RBM4: variants seen among roughly 807,000 people sequenced by gnomAD.
RBM4 encodes the protein RNA-binding protein 4.
In RBM4, 7 loss-of-function variants were observed where a neutral mutation model predicts 29.5. The observed-to-expected ratio is 0.24, with a 90% CI of 0.14 to 0.45. The LOEUF (loss-of-function observed/expected upper bound fraction) is 0.45. RBM4 is among the 20% of genes least tolerant of loss of function. The pLI, the probability that RBM4 is intolerant of heterozygous loss-of-function variation, is 1.00. For missense variants in RBM4, 387 were observed against 502.3 expected, an observed-to-expected ratio of 0.77 and a Z score of 2.19; for synonymous variants, 220 against 205.4, an observed-to-expected ratio of 1.07 and a Z score of -0.61.
intron 2 of RBM4, among the ~76,000 whole-genome samples, chr11:66,657,091 C>G (rs191760094): frequency 2.1e-3 from 310 of 149,152 alleles, no homozygotes; most frequent in African/African-American, 7.2e-3. Flanking sequence ...TCCTCAGCCC[C>G]TGATCAATTT....
At chr11:66,657,093 G>A (rs1181763317) in intron 2 of RBM4, among the ~76,000 whole-genome samples, 1 of 142,886 alleles carries the variant, frequency 7.0e-6, no homozygotes, top group Non-Finnish European at 1.5e-5. Context: ...CTCAGCCCCT[G>A]ATCAATTTTT....
chr11:66,660,352 T>TC (rs1491136300), intron 2 of RBM4, among the ~76,000 whole-genome samples: 3 of 133,010 alleles, frequency 2.3e-5, no homozygotes, highest in African/African-American at 5.7e-5. Flanking sequence ...GGAGTCTCTC[T>TC]TTTTTTTTTT....
At position 66,643,392 on chromosome 11, in the gene RBM4, A is replaced by G. The variant is rs1938551376; in HGVS notation, c.413-58A>G. ...CATTGCTATGACCAGTGTCTGGGGT[A>G]GGGGCTGGGGCTATGACTAAGAGTG... is the stretch of plus-strand genomic sequence containing the variant. On this transcript the variant is annotated intron_variant, in intron 2 of 3. Coordinates refer to ENST00000310092, the MANE Select transcript of RBM4 (RefSeq NM_002896.4). The surrounding 1 kb of genome is among the most constrained non-coding windows in gnomAD (Gnocchi z 6.1). 1 of 1,543,704 alleles carries G rather than the reference A, an allele frequency of 6.5e-7. No individual in the cohort carries two copies.
rs1007879042 is a variant in RBM4 at position 66,644,666 on chromosome 11, A to G, written c.*8+526A>G. 45 of 983,794 alleles carry G rather than the reference A, an allele frequency of 4.6e-5. No homozygotes were observed. The African/African-American group carries it at 6.6e-4, about 15-fold the overall frequency. 60.9% of individuals were successfully genotyped at this position (983,794 alleles called of 1,614,324 possible). On this transcript the variant is annotated intron_variant, in intron 3 of 3. Coordinates refer to ENST00000310092, the MANE Select transcript of RBM4 (RefSeq NM_002896.4). ...TTACTAAGAAGACTACCAAAATGGC[A>G]TCATCTTAATCTTGAAGCGTATTTC... is the stretch of plus-strand genomic sequence containing the variant.
At chr11:66,664,290 C>G (rs998440427) in intron 2 of RBM4, among the ~76,000 whole-genome samples, 1 of 148,728 alleles carries the variant, frequency 6.7e-6, no homozygotes. Context: ...GCTGGGACTA[C>G]AGGCACTCGC....
chr11:66,665,222 T>C (rs1036419091), intron 2 of RBM4: 3 of 279,860 alleles, frequency 1.1e-5, no homozygotes, highest in Admixed American at 4.9e-5. Flanking sequence ...TGCCACTACA[T>C]GGTCATTTTA....
Position 66,646,055 on chromosome 11 carries a change from G to T in RBM4, c.*37G>T. The T allele has an allele frequency of 6.5e-7, 1 of 1,536,146 alleles. No homozygotes were observed. The highest frequency in any genetic ancestry group is 8.7e-7 in the Non-Finnish European group (1 of 1,146,916). Reference sequence around the variant, plus strand: ...GGATGTGTGTGGGCTGAAATTCCGAGCTGCGGTTGTGCATGAGAATACACC... The same window carrying T: ...GGATGTGTGTGGGCTGAAATTCCGATCTGCGGTTGTGCATGAGAATACACC... On this transcript the variant is annotated 3_prime_UTR_variant, in exon 4 of 4. Transcript: ENST00000310092.
intron 2 of RBM4, 69 bp downstream of exon 2, chr11:66,640,192 A>G (rs1411864574): frequency 1.3e-6 from 2 of 1,596,306 alleles, no homozygotes; most frequent in East Asian, 4.5e-5. Flanking sequence ...GATAAGTAAA[A>G]GGAGAGGTTT....
At chr11:66,644,346 T>C (rs1196010301) in intron 3 of RBM4, 3 of 676,278 alleles carry the variant, frequency 4.4e-6, no homozygotes, top group East Asian at 3.0e-5. Flanking sequence ...TTTTCAGGGC[T>C]TCTGGTAGTG....
chr11:66,640,151 T>C (rs1232087269), intron 2 of RBM4, 28 bp downstream of exon 2: 2 of 1,613,624 alleles, frequency 1.2e-6, no homozygotes, highest in Admixed American at 3.3e-5. Flanking sequence ...GGTAGAGGGC[T>C]GAACACAAGG....
chr11:66,648,989 T>A (rs1308787711), downstream of RBM4, among the ~76,000 whole-genome samples: 1 of 151,034 alleles, frequency 6.6e-6, no homozygotes, highest in Non-Finnish European at 1.5e-5. Flanking sequence ...TTTCTCTTTT[T>A]TAAACCATTT....
At chr11:66,665,412 GA>G in intron 2 of RBM4, 5 of 652,504 alleles carry the variant, frequency 7.7e-6, no homozygotes, top group Non-Finnish European at 1.1e-5. Flanking sequence ...GTTTCAGGAG[GA>G]AAGAAAAGTC....
chr11:66,649,059 G>C (rs1018577296), downstream of RBM4, among the ~76,000 whole-genome samples: 3 of 151,866 alleles, frequency 2.0e-5, no homozygotes, highest in Admixed American at 1.3e-4. Context: ...CCAGACTGGA[G>C]TGCAGTGGCA....
rs368930527 is a variant in RBM4 at position 66,655,216 on chromosome 11, C to T, written c.413-10640C>T. Among the ~76,000 whole-genome samples the T allele has an allele frequency of 3.4e-4, 51 of 152,142 alleles. 1 individual carries two copies. The highest frequency in any genetic ancestry group is 1.2e-3 in the African/African-American group (48 of 41,516). ...GGCCCTGCTGGTTTCGAACTCCTGA[C>T]TTCAGGTGATCCACCCGCTTTGGCC... On this transcript the variant is annotated intron_variant, in intron 2 of 2. Coordinates refer to the RBM4 transcript ENST00000396053.
rs1352947662 is a variant in RBM4 at position 66,643,495 on chromosome 11, C to T, written c.458C>T (p.Ala153Val). The change falls in exon 3 of 4, where the codon GCG becomes GTG. Residue 153 changes from alanine (A) to valine (V), a missense_variant. Physicochemically the swap from Ala to Val is moderately conservative, Grantham distance 64 (BLOSUM62 0). Around this residue, in one of 2 missense-constraint regions of RBM4, gnomAD observed 106 missense variants for 213.6 expected, o/e 0.50. Coordinates refer to ENST00000310092, the MANE Select transcript of RBM4 (RefSeq NM_002896.4). The surrounding 1 kb of genome is among the most constrained non-coding windows in gnomAD (Gnocchi z 6.1). The part of the protein sequence containing the change: ...VQLSTSRLRT[A>V]PGMGDQSGCY... The stretch of plus-strand genomic sequence containing the variant: ...TTGTCCACCAGCCGGCTTAGGACTG[C>T]GCCCGGGATGGGAGACCAGAGCGGC... The T allele has an allele frequency of 1.9e-6, 3 of 1,613,840 alleles. No individual in the cohort carries two copies. The highest frequency in any genetic ancestry group is 1.7e-5 in the Admixed American group (1 of 60,012).
chr11:66,641,936 G>A (rs1029631517), intron 2 of RBM4, among the ~76,000 whole-genome samples: 6 of 152,054 alleles, frequency 3.9e-5, no homozygotes, highest in African/African-American at 1.2e-4. Flanking sequence ...TTAGATTAAG[G>A]CGTTTATTAA....
At chr11:66,665,423 CAACTT>C (rs746387266) in intron 2 of RBM4, 89 of 670,828 alleles carry the variant, frequency 1.3e-4, no homozygotes, top group Middle Eastern at 2.5e-4. Context: ...AAAGAAAAGT[CAACTT>C]AGAAGAATTA....
At chr11:66,660,006 G>A (rs893232863) in intron 2 of RBM4, among the ~76,000 whole-genome samples, 1 of 151,966 alleles carries the variant, frequency 6.6e-6, no homozygotes, top group African/African-American at 2.4e-5. Context: ...TAGTTTGAAC[G>A]TGCCTTTCCT....
At chr11:66,657,640 G>C (rs1356320171) in intron 2 of RBM4, among the ~76,000 whole-genome samples, 1 of 131,686 alleles carries the variant, frequency 7.6e-6, no homozygotes, top group East Asian at 2.4e-4. Flanking sequence ...ATGAGATAGC[G>C]CCACTGCACT....
Sources: gnomAD v4.1 joint callset for allele counts (sites outside exome capture counted in the v4.1 genomes callset) on GRCh38, gnomAD v4.1.1 for gene constraint, gnomAD v4.1.1 regional missense constraint, Gnocchi (gnomAD v3.1) non-coding constraint, MANE v1.5 for transcripts, NCBI Gene and HGNC (gene_info 2026-07-23, HGNC 2026-07-21) for gene names.